Variants in ANTXR2 observed in about 807,000 individuals in gnomAD.
The protein encoded by ANTXR2 is ANTXR cell adhesion molecule 2, also known as anthrax toxin receptor 2.
In ANTXR2, 44 loss-of-function variants were observed where a neutral mutation model predicts 73.7. The observed-to-expected ratio is 0.60, with a 90% confidence interval of 0.47 to 0.77. The LOEUF is 0.77. Ranked by LOEUF, ANTXR2 falls within the 30% of genes least tolerant of loss-of-function variation. The pLI, the probability that ANTXR2 is intolerant of heterozygous loss-of-function variation, is 0.00. For synonymous variants in ANTXR2, 217 were observed against 205.9 expected (o/e 1.05, Z -0.46); for missense variants, 604 against 592.5 (o/e 1.02, Z -0.20).
chr4:79,977,188 A>G (rs1229288078), intron 16 of ANTXR2, among the ~76,000 whole-genome samples: 1 of 152,250 alleles, frequency 6.6e-6, no homozygotes. Flanking sequence ...ATTCGATTAC[A>G]TCAACTGTTG....
chr4:79,937,274 A>C (rs1728303507), intron 16 of ANTXR2, among the ~76,000 whole-genome samples: 3 of 152,216 alleles, frequency 2.0e-5, no homozygotes, highest in Admixed American at 2.0e-4. Flanking sequence ...AGTTCCTTGA[A>C]AATTAATTAC....
At chr4:79,962,269 T>C (rs957305593) in intron 16 of ANTXR2, among the ~76,000 whole-genome samples, 1 of 152,164 alleles carries the variant, frequency 6.6e-6, no homozygotes, top group Non-Finnish European at 1.5e-5. Flanking sequence ...AAACATGCTA[T>C]ATGCACATTC....
At chr4:79,976,225 T>TA (rs1243525181) in intron 16 of ANTXR2, among the ~76,000 whole-genome samples, 322 of 150,498 alleles carry the variant, frequency 2.1e-3, no homozygotes, top group Middle Eastern at 6.8e-3. Context: ...AAATCGCATT[T>TA]AAAAAAAAAA....
At chr4:80,034,081 T>A (rs1208327981) in intron 8 of ANTXR2, among the ~76,000 whole-genome samples, 1 of 152,136 alleles carries the variant, frequency 6.6e-6, no homozygotes, top group Non-Finnish European at 1.5e-5. Context: ...TTCTTCACCT[T>A]ACTAATCCTG....
At position 79,983,908 on chromosome 4, in the gene ANTXR2, A is replaced by G; in HGVS notation, c.1149T>C (p.Gly383=). The change falls in exon 14 of 17, where the codon GGT becomes GGC. Residue 383 remains glycine, a synonymous_variant. Transcript: ENST00000403729. ...TTCTTTTAATTCCTCCAACCCCTCG[A>G]CCACCATAATAGGAAGCATCCACAG... The part of the protein sequence containing the change: ...WPTVDASYYG[G]RGVGGIKRME... 1 of 1,611,802 alleles carries G rather than the reference A, an allele frequency of 6.2e-7. No individual in the cohort carries two copies. Among genetic ancestry groups the G allele is most frequent in the Non-Finnish European group, 8.5e-7 (1 of 1,178,946 alleles).
intron 16 of ANTXR2, among the ~76,000 whole-genome samples, chr4:79,955,352 TG>T (rs1441474507): frequency 6.6e-6 from 1 of 152,294 alleles, no homozygotes; most frequent in Non-Finnish European, 1.5e-5. Context: ...TATAGTCCCT[TG>T]AACATATTTT....
At chr4:80,058,034 A>G (rs1244598798) in intron 3 of ANTXR2, among the ~76,000 whole-genome samples, 1 of 152,090 alleles carries the variant, frequency 6.6e-6, no homozygotes, top group Non-Finnish European at 1.5e-5. Context: ...AAAGTCAAAT[A>G]TTTGGTGCTT....
At chr4:79,929,727 T>C (rs1293578553) in intron 16 of ANTXR2, among the ~76,000 whole-genome samples, 1 of 85,270 alleles carries the variant, frequency 1.2e-5, no homozygotes, top group African/African-American at 3.9e-5. Flanking sequence ...CTGATATATA[T>C]GCAAATATAC....
rs530539394 is a variant in ANTXR2, at chr4:80,014,467, G to A, written c.945+4431C>T. 2.0e-5 allele frequency among the ~76,000 whole-genome samples: 3 copies of A among 152,020 alleles called. No individual in the cohort carries two copies. The South Asian group carries it at 6.2e-4, about 32-fold the overall frequency. ...TGTAATCCCAGCTACTTGGGAAGCT[G>A]AGGCATGAGAATTGCTTGAACCCGG... On this transcript the variant is annotated intron_variant, in intron 11 of 16. Coordinates refer to ENST00000403729, the MANE Select transcript of ANTXR2 (RefSeq NM_058172.6).
chr4:80,005,341 GA>G (rs1187925476), intron 12 of ANTXR2, among the ~76,000 whole-genome samples: 1 of 151,744 alleles, frequency 6.6e-6, no homozygotes, highest in Non-Finnish European at 1.5e-5. Flanking sequence ...CAAGCAAAAA[GA>G]AATTTGCACA....
chr4:79,947,710 C>A (rs1728567335), intron 16 of ANTXR2, among the ~76,000 whole-genome samples: 1 of 152,080 alleles, frequency 6.6e-6, no homozygotes, highest in South Asian at 2.1e-4. Context: ...CAACTTATTG[C>A]AAAAATGTAT....
At chr4:79,925,110 G>C (rs1322373381) in intron 16 of ANTXR2, among the ~76,000 whole-genome samples, 4 of 152,072 alleles carry the variant, frequency 2.6e-5, no homozygotes, top group Non-Finnish European at 4.4e-5. Flanking sequence ...CTTAGAGAAG[G>C]CTGAATGAAT....
intron 16 of ANTXR2, among the ~76,000 whole-genome samples, chr4:79,925,894 T>C (rs1727761096): frequency 6.6e-6 from 1 of 152,116 alleles, no homozygotes; most frequent in African/African-American, 2.4e-5. Context: ...TCTTCAGACA[T>C]GAAGAATTTT....
chr4:79,916,283 T>C (rs1727352095), intron 16 of ANTXR2, among the ~76,000 whole-genome samples: 2 of 152,094 alleles, frequency 1.3e-5, no homozygotes, highest in South Asian at 2.1e-4. Context: ...GTAAGATACA[T>C]ATCTAGATGT....
At chr4:79,960,424 G>A (rs1162043751) in intron 16 of ANTXR2, among the ~76,000 whole-genome samples, 1 of 152,046 alleles carries the variant, frequency 6.6e-6, no homozygotes, top group Admixed American at 6.6e-5. Flanking sequence ...GCTCTTTAAG[G>A]AGAAAGAGAT....
intron 12 of ANTXR2, among the ~76,000 whole-genome samples, chr4:80,001,467 T>C (rs1731035822): frequency 6.6e-6 from 1 of 151,900 alleles, no homozygotes; most frequent in African/African-American, 2.4e-5. Flanking sequence ...CATTGCCTCT[T>C]ATTTTGCAAT....
intron 16 of ANTXR2, among the ~76,000 whole-genome samples, chr4:79,914,603 T>C (rs1727275747): frequency 6.6e-6 from 1 of 152,160 alleles, no homozygotes; most frequent in Non-Finnish European, 1.5e-5. Context: ...TGCTTTTTCT[T>C]ATTCTCTTAG....
chr4:79,999,646 T>C (rs1730922113), intron 12 of ANTXR2, among the ~76,000 whole-genome samples: 1 of 152,108 alleles, frequency 6.6e-6, no homozygotes, highest in South Asian at 2.1e-4. Flanking sequence ...AAATATGAGA[T>C]ATGGAAATAT....
intron 16 of ANTXR2, among the ~76,000 whole-genome samples, chr4:79,919,865 T>TTATATATATA (rs869257072): frequency 4.5e-4 from 8 of 17,842 alleles, no homozygotes; most frequent in Non-Finnish European, 5.2e-4. Flanking sequence ...AATACATATT[T>TTATATATATA]TATATATATA....
Sources: allele counts gnomAD v4.1 joint callset (sites outside exome capture counted in the v4.1 genomes callset), GRCh38; gene constraint gnomAD v4.1.1; transcripts MANE v1.5; gene names NCBI Gene and HGNC (gene_info 2026-07-23, HGNC 2026-07-21).